Variants in ARMH3 observed in about 807,000 individuals in gnomAD.
ARMH3 encodes the protein armadillo-like helical domain-containing protein 3.
A neutral mutation model predicts 99.1 loss-of-function variants in ARMH3; 60 were observed. The ratio of observed to expected loss-of-function variants is 0.61; its 90% confidence interval spans 0.49 to 0.75. The LOEUF is 0.75. Ranked by LOEUF, ARMH3 falls within the 30% of genes least tolerant of loss-of-function variation. ARMH3 has a pLI of 0.00. For missense variants in ARMH3, 679 were observed against 843.1 expected (o/e 0.81, Z 2.41); for synonymous variants, 285 against 292.8 (o/e 0.97, Z 0.27).
intron 1 of ARMH3, among the ~76,000 whole-genome samples, chr10:102,042,867 G>A (rs1343375428): frequency 6.6e-6 from 1 of 152,236 alleles, no homozygotes; most frequent in Non-Finnish European, 1.5e-5. Flanking sequence ...GAGGTTGGGA[G>A]TTCGAGATCA....
intron 13 of ARMH3, 22 bp downstream of exon 13, chr10:102,009,352 T>C (rs977944854): frequency 1.9e-6 from 3 of 1,595,606 alleles, no homozygotes; most frequent in Admixed American, 1.7e-5. Context: ...AAAAAAACAC[T>C]GGGATTTTTA....
chr10:101,881,637 C>T (rs2067422342), intron 24 of ARMH3, among the ~76,000 whole-genome samples: 1 of 152,012 alleles, frequency 6.6e-6, no homozygotes, highest in Non-Finnish European at 1.5e-5. Flanking sequence ...TCATACCAGG[C>T]CCCTAATAAA....
intron 22 of ARMH3, among the ~76,000 whole-genome samples, chr10:101,940,780 T>C (rs907185048): frequency 3.3e-5 from 5 of 151,350 alleles, no homozygotes; most frequent in African/African-American, 4.8e-5. Flanking sequence ...GTGACCAAAT[T>C]CTCTCCCTTT....
At chr10:101,860,989 T>G (rs986479651) in intron 24 of ARMH3, among the ~76,000 whole-genome samples, 1 of 152,080 alleles carries the variant, frequency 6.6e-6, no homozygotes, top group Non-Finnish European at 1.5e-5. Flanking sequence ...TAGCCAGACA[T>G]ATCAAGAAGC....
intron 24 of ARMH3, among the ~76,000 whole-genome samples, chr10:101,883,394 T>TTG (rs2067463288): frequency 6.6e-6 from 1 of 151,708 alleles, no homozygotes; most frequent in East Asian, 2.0e-4. Context: ...CCAGCCTGGG[T>TTG]GACAGAGCAA....
intron 23 of ARMH3, among the ~76,000 whole-genome samples, chr10:101,900,851 G>A (rs1288609780): frequency 6.6e-6 from 1 of 151,998 alleles, no homozygotes; most frequent in Non-Finnish European, 1.5e-5. Flanking sequence ...CCAGCATAAT[G>A]TGCACACCTA....
rs146809250 is a variant in ARMH3 at position 101,887,156 on chromosome 10, G to A, written c.1860+2256C>T. Reference sequence around the variant, plus strand: ...GAGAATAAACCAAGTGTACTGTAATGCTGTCATTTAGCACCCTTCAAAATC... The same window carrying A: ...GAGAATAAACCAAGTGTACTGTAATACTGTCATTTAGCACCCTTCAAAATC... On this transcript the variant is annotated intron_variant, in intron 24 of 25. Coordinates refer to ENST00000370033, the MANE Select transcript of ARMH3 (RefSeq NM_024541.3). Among the ~76,000 whole-genome samples, 552 of 152,262 alleles carry A rather than the reference G, an allele frequency of 3.6e-3. 7 individuals carry two copies. The highest frequency in any genetic ancestry group is 3.0e-3 in the Non-Finnish European group (204 of 68,010).
At chr10:101,995,801 CA>C (rs1847028334) in intron 15 of ARMH3, among the ~76,000 whole-genome samples, 1 of 152,168 alleles carries the variant, frequency 6.6e-6, no homozygotes, top group African/African-American at 2.4e-5. Flanking sequence ...GCAATGAAAT[CA>C]AAAAGAAATT....
chr10:101,940,452 CTTTT>C (rs971458943), intron 22 of ARMH3, among the ~76,000 whole-genome samples: 1 of 147,166 alleles, frequency 6.8e-6, no homozygotes, highest in African/African-American at 2.5e-5. Context: ...AAGGATTAAC[CTTTT>C]TTTTTTTAAT....
At chr10:102,024,461 T>C (rs903013973) in intron 6 of ARMH3, among the ~76,000 whole-genome samples, 1 of 140,212 alleles carries the variant, frequency 7.1e-6, no homozygotes, top group African/African-American at 2.7e-5. Context: ...GAAAAATAAA[T>C]AAATAAAAGC....
chr10:101,975,412 G>T, intron 19 of ARMH3, 112 bp from the exon 20 acceptor site: 1 of 714,744 alleles, frequency 1.4e-6, no homozygotes, highest in Non-Finnish European at 2.4e-6. Context: ...CACTGGATAT[G>T]AATATGTATA....
chr10:101,898,248 C>T (rs1197632167), intron 23 of ARMH3, among the ~76,000 whole-genome samples: 2 of 151,210 alleles, frequency 1.3e-5, no homozygotes, highest in Non-Finnish European at 2.9e-5. Context: ...CCCAGCTACT[C>T]AGGAGGCTGA....
rs771839104 is a variant in ARMH3 at position 102,001,955 on chromosome 10, A to G, written c.1150+16T>C. 3.4e-5 allele frequency: 55 copies of G among 1,611,806 alleles called. No homozygotes were observed. In the Middle Eastern group the frequency reaches 2.0e-3, roughly 58 times the overall value. On this transcript the variant is annotated intron_variant, in intron 15 of 25. Coordinates refer to ENST00000370033, the MANE Select transcript of ARMH3 (RefSeq NM_024541.3). Reference sequence around the variant, plus strand: ...CACCTTTGACTTCCTGAGCCCCCAAAATAGCTATGGCTTACCTTTGGTGTC... The same window carrying G: ...CACCTTTGACTTCCTGAGCCCCCAAGATAGCTATGGCTTACCTTTGGTGTC...
intron 23 of ARMH3, among the ~76,000 whole-genome samples, chr10:101,895,232 G>A (rs1337579282): frequency 3.3e-5 from 5 of 150,524 alleles, no homozygotes; most frequent in Admixed American, 6.6e-5. Flanking sequence ...AAAACAACTC[G>A]AAATGGATCA....
At chr10:101,861,680 A>G (rs1019574326) in intron 24 of ARMH3, among the ~76,000 whole-genome samples, 1 of 148,356 alleles carries the variant, frequency 6.7e-6, no homozygotes, top group African/African-American at 2.5e-5. Context: ...CAGTGAGCCA[A>G]GATTGCACTA....
intron 5 of ARMH3, among the ~76,000 whole-genome samples, chr10:102,028,036 T>C (rs1248191663): frequency 4.0e-5 from 6 of 150,108 alleles, no homozygotes; most frequent in Admixed American, 4.0e-4. Flanking sequence ...ACAAAGGATA[T>C]GAAAGACTTT....
At chr10:101,851,259 G>C (rs1037178394) in intron 24 of ARMH3, among the ~76,000 whole-genome samples, 11 of 152,332 alleles carry the variant, frequency 7.2e-5, no homozygotes, top group Admixed American at 7.2e-4. Context: ...AGCCAGGCCA[G>C]ATGTGACTTC....
chr10:101,889,798 G>C (rs535078103), intron 23 of ARMH3: 2 of 296,138 alleles, frequency 6.8e-6, no homozygotes, highest in African/African-American at 4.2e-5. Flanking sequence ...GAACCCAGAG[G>C]GCTGTCCACT....
chr10:101,934,852 C>T (rs1590046615), intron 23 of ARMH3, among the ~76,000 whole-genome samples: 1 of 152,084 alleles, frequency 6.6e-6, no homozygotes, highest in East Asian at 1.9e-4. Context: ...AGTACAAGAC[C>T]TCACTGGGAT....
Sources: allele counts gnomAD v4.1 joint callset (sites outside exome capture counted in the v4.1 genomes callset), GRCh38; gene constraint gnomAD v4.1.1; transcripts MANE v1.5; gene names NCBI Gene and HGNC (gene_info 2026-07-23, HGNC 2026-07-21).